IGF2BP2: variants seen among roughly 807,000 people sequenced by gnomAD.
The protein encoded by IGF2BP2 is insulin-like growth factor 2 mRNA-binding protein 2.
In IGF2BP2, 17 loss-of-function variants were observed where a neutral mutation model predicts 75.8. The ratio of observed to expected loss-of-function variants is 0.22; its 90% CI spans 0.15 to 0.34. The LOEUF (loss-of-function observed/expected upper bound fraction) is 0.34, where lower values mean the gene tolerates loss of function less well. Ranked by LOEUF, IGF2BP2 falls within the 10% of genes least tolerant of loss-of-function variation. The probability of loss-of-function intolerance (pLI) is 1.00; values close to 1 mark genes in which losing one functional copy is unlikely to be tolerated. For missense variants in IGF2BP2, 516 were observed against 772.4 expected, an observed-to-expected ratio of 0.67 and a Z score of 3.93; for synonymous variants, 288 against 295.6, an observed-to-expected ratio of 0.97 and a Z score of 0.26.
At chr3:185,720,452 C>T (rs540146880) in intron 2 of IGF2BP2, among the ~76,000 whole-genome samples, 12 of 152,126 alleles carry the variant, frequency 7.9e-5, no homozygotes, top group Admixed American at 2.0e-4. Context: ...TGGGAGCCAC[C>T]GCGCCCGGCC....
In IGF2BP2 at chr3:185,676,005, G is replaced by A. The variant is rs187180875; in HGVS notation, c.813-92C>T. ...CCTTGCTTTTTTCTTATAAATGGAAGTCATTTTGTTCAGGTACCAAGTGAT... is the reference window on the plus strand; with the variant it reads ...CCTTGCTTTTTTCTTATAAATGGAAATCATTTTGTTCAGGTACCAAGTGAT... On this transcript the variant is annotated intron_variant, in intron 7 of 15. Transcript: ENST00000382199. 4,113 of 1,502,120 alleles carry A rather than the reference G, an allele frequency of 2.7e-3. 10 individuals are homozygous for A. The highest frequency in any genetic ancestry group is 3.3e-3 in the Non-Finnish European group (3,702 of 1,112,512). 93.0% of individuals were successfully genotyped at this position (1,502,120 alleles called of 1,614,324 possible). A position where few individuals can be genotyped will look rare whatever the true frequency, so the allele number is the denominator to read the frequency against.
chr3:185,805,610 A>C (rs1738914143), intron 2 of IGF2BP2, among the ~76,000 whole-genome samples: 1 of 152,092 alleles, frequency 6.6e-6, no homozygotes, highest in Non-Finnish European at 1.5e-5. Flanking sequence ...AAAAAAATAC[A>C]TTTCTTTGGG....
rs1713310651 is a variant in IGF2BP2, at chr3:185,645,257, T to A, written c.*274A>T. 2 of 505,944 alleles carry A rather than the reference T, an allele frequency of 4.0e-6. No homozygotes were observed. The highest frequency in any genetic ancestry group is 7.1e-6 in the Non-Finnish European group (2 of 281,792). The allele number at this position is 505,944 out of a possible 1,614,324, so 31.3% of individuals were successfully genotyped here. On this transcript the variant is annotated 3_prime_UTR_variant, in exon 16 of 16. Coordinates refer to ENST00000382199, the MANE Select transcript of IGF2BP2 (RefSeq NM_006548.6). The surrounding 1 kb of genome is among the most constrained non-coding windows in gnomAD (Gnocchi z 4.9). ...CGTGGGAGTTCAGGAGAGATCCGAG[T>A]GGATGGTGAAGTGGATGGCTGAAGC...
At chr3:185,778,548 T>G (rs1329290231) in intron 2 of IGF2BP2, among the ~76,000 whole-genome samples, 12 of 152,232 alleles carry the variant, frequency 7.9e-5, no homozygotes, top group Admixed American at 7.9e-4. Flanking sequence ...GAATAATGCC[T>G]TCCCCTCTAC....
intron 2 of IGF2BP2, among the ~76,000 whole-genome samples, chr3:185,808,123 A>C (rs1363218375): frequency 8.6e-6 from 1 of 116,886 alleles, no homozygotes; most frequent in African/African-American, 4.2e-5. Context: ...CTTTTAAAAA[A>C]AAAAAAAAAA....
At chr3:185,823,279 G>A (rs368206223) in intron 1 of IGF2BP2, 66 bp from the exon 2 acceptor site, 13 of 1,283,946 alleles carry the variant, frequency 1.0e-5, no homozygotes, top group East Asian at 2.4e-5. Context: ...TCTAGGGGGG[G>A]CACGCACGGA....
At chr3:185,704,510 C>T (rs902327551) in intron 2 of IGF2BP2, among the ~76,000 whole-genome samples, 1 of 152,110 alleles carries the variant, frequency 6.6e-6, no homozygotes, top group Non-Finnish European at 1.5e-5. Context: ...AGTGCAGTGG[C>T]GTGATCTCAG....
intron 2 of IGF2BP2, among the ~76,000 whole-genome samples, chr3:185,763,755 C>T (rs1036393283): frequency 1.3e-4 from 20 of 152,142 alleles, no homozygotes; most frequent in African/African-American, 4.6e-4. Context: ...AAAATGCTAA[C>T]AGTGGTTATC....
chr3:185,793,332 G>GCTGC (rs1736891558), intron 2 of IGF2BP2, among the ~76,000 whole-genome samples: 1 of 152,094 alleles, frequency 6.6e-6, no homozygotes, highest in Non-Finnish European at 1.5e-5. Flanking sequence ...GAGGAATAAG[G>GCTGC]CTGCCACACA....
rs1730573951 is a variant in IGF2BP2, at chr3:185,748,651, A to G, written c.240-50304T>C. On this transcript the variant is annotated intron_variant, in intron 2 of 15. Transcript: ENST00000382199. The stretch of plus-strand genomic sequence containing the variant: ...TACCAACTGCCATCTCACCCTACCC[A>G]AACAGCCTGCACGGTGGCAACCCTG... Among the ~76,000 whole-genome samples the G allele has an allele frequency of 1.3e-5, 2 of 152,186 alleles. 1 individual carries two copies. Among genetic ancestry groups the G allele is most frequent in the South Asian group, 4.1e-4 (2 of 4,832 alleles).
intron 2 of IGF2BP2, among the ~76,000 whole-genome samples, chr3:185,757,440 G>T (rs1378905664): frequency 6.6e-6 from 1 of 150,580 alleles, no homozygotes; most frequent in Non-Finnish European, 1.5e-5. Context: ...TATAGCCCTT[G>T]GAGAGACTAT....
At chr3:185,787,945 C>T (rs1736118509) in intron 2 of IGF2BP2, among the ~76,000 whole-genome samples, 1 of 152,122 alleles carries the variant, frequency 6.6e-6, no homozygotes, top group Admixed American at 6.5e-5. Flanking sequence ...ACAATCAGAG[C>T]TTCAGATTCA....
intron 2 of IGF2BP2, chr3:185,713,117 G>A (rs1166381998): frequency 3.3e-5 from 8 of 241,618 alleles, no homozygotes; most frequent in Admixed American, 1.5e-4. Flanking sequence ...AGACATATAT[G>A]TGTGTGTGTG....
At chr3:185,743,869 T>C (rs527832601) in intron 2 of IGF2BP2, among the ~76,000 whole-genome samples, 4 of 152,292 alleles carry the variant, frequency 2.6e-5, no homozygotes, top group South Asian at 2.1e-4. Context: ...CCAGGGATCA[T>C]AGAAAATCAA....
chr3:185,668,487 C>T (rs1007458293), intron 10 of IGF2BP2, among the ~76,000 whole-genome samples: 15 of 124,820 alleles, frequency 1.2e-4, no homozygotes, highest in African/African-American at 3.0e-4. Context: ...TTCATTTGTT[C>T]GAGAGAGAGA....
At chr3:185,713,482 G>T (rs1336995175) in intron 2 of IGF2BP2, 1 of 519,788 alleles carries the variant, frequency 1.9e-6, no homozygotes, top group Non-Finnish European at 3.8e-6. Context: ...AATGGTCAAG[G>T]TAACAGGTAA....
chr3:185,716,580 C>A, intron 2 of IGF2BP2: 1 of 520,134 alleles, frequency 1.9e-6, no homozygotes, highest in Non-Finnish European at 3.8e-6. Context: ...AGACTCACGT[C>A]CTCAGTAAGG....
At chr3:185,729,032 GTGTAC>G (rs1045610388) in intron 2 of IGF2BP2, among the ~76,000 whole-genome samples, 1 of 152,124 alleles carries the variant, frequency 6.6e-6, no homozygotes, top group Non-Finnish European at 1.5e-5. Context: ...GCTCACTGTT[GTGTAC>G]TCTTAGTGGA....
At chr3:185,786,342 C>G (rs954947273) in intron 2 of IGF2BP2, among the ~76,000 whole-genome samples, 6 of 152,002 alleles carry the variant, frequency 3.9e-5, no homozygotes, top group African/African-American at 1.4e-4. Flanking sequence ...CCATCGTATC[C>G]CCTGTGACCT....
Sources: allele counts gnomAD v4.1 joint callset (sites outside exome capture counted in the v4.1 genomes callset), GRCh38; gene constraint gnomAD v4.1.1; non-coding constraint Gnocchi (gnomAD v3.1); transcripts MANE v1.5; gene names NCBI Gene and HGNC (gene_info 2026-07-23, HGNC 2026-07-21).